The following CRLF3 variants were observed in gnomAD, a reference collection of about 807,000 sequenced individuals.
The protein encoded by CRLF3 is cytokine receptor-like factor 3.
CRLF3 carries 33 observed loss-of-function variants against 55.0 expected under a neutral mutation model. That is an observed-to-expected ratio of 0.60 (90% CI 0.46 to 0.80). CRLF3 has a LOEUF of 0.80. CRLF3 is among the 30% of genes least tolerant of loss of function. The pLI is 0.00. For missense variants in CRLF3, 494 were observed against 538.4 expected (o/e 0.92, Z 0.82); for synonymous variants, 238 against 196.8 (o/e 1.21, Z -1.75).
Position 30,799,551 on chromosome 17 carries a change from T to TG in CRLF3, c.338-2154dup, listed in dbSNP as rs532133683. On this transcript the variant is annotated intron_variant, in intron 2 of 7. Transcript: ENST00000324238. The stretch of plus-strand genomic sequence containing the variant: ...GATTTATCTTTTTTTTTTTTTGAGA[T>TG]GGAGTCTTGCTCTTGTCGCCCAGAC... Among the ~76,000 whole-genome samples, 302 of 150,762 alleles carry TG rather than the reference T, an allele frequency of 2.0e-3. 1 individual carries two copies. The highest frequency in any genetic ancestry group is 7.0e-3 in the African/African-American group (289 of 41,002).
intron 1 of CRLF3, among the ~76,000 whole-genome samples, chr17:30,818,605 C>A (rs1475191101): frequency 1.3e-5 from 2 of 151,364 alleles, no homozygotes; most frequent in Admixed American, 6.6e-5. Flanking sequence ...AGGCGCCCAC[C>A]ACCACACCCG....
At chr17:30,820,970 G>A (rs1904977825) in intron 1 of CRLF3, among the ~76,000 whole-genome samples, 1 of 151,852 alleles carries the variant, frequency 6.6e-6, no homozygotes, top group African/African-American at 2.4e-5. Context: ...CAGGAGGATG[G>A]CTTGAGCCTA....
At chr17:30,817,631 G>C (rs1379387693) in intron 1 of CRLF3, among the ~76,000 whole-genome samples, 1 of 152,098 alleles carries the variant, frequency 6.6e-6, no homozygotes, top group Non-Finnish European at 1.5e-5. Context: ...CTGCAGGCCA[G>C]GCAGGGTGGC....
Position 30,797,368 on chromosome 17 carries a change from T to C in CRLF3, c.368A>G (p.Glu123Gly). The C allele has an allele frequency of 6.2e-7, 1 of 1,613,854 alleles. No individual in the cohort carries two copies. Among genetic ancestry groups the C allele is most frequent in the South Asian group, 1.1e-5 (1 of 91,070 alleles). Residue 123 changes from glutamate (E) to glycine (G), a missense_variant, in exon 3 of 8, where the codon GAA becomes GGA. Glu to Gly is a moderately conservative substitution (Grantham distance 98). Transcript: ENST00000324238. ...AAAGCTCCACAGTTTCTCATTCTCT[T>C]CTCCCACACCACCAAGCATGGCGAT... Reference protein sequence around the residue: ...GEIAMLGGVGEENEKLWSFTK... With the variant: ...GEIAMLGGVGGENEKLWSFTK...
chr17:30,794,452 T>C (rs1403367269), intron 4 of CRLF3, among the ~76,000 whole-genome samples: 2 of 152,210 alleles, frequency 1.3e-5, no homozygotes, highest in African/African-American at 2.4e-5. Context: ...ATGTATATTA[T>C]GAATATTCAA....
intron 7 of CRLF3, chr17:30,784,696 T>A (rs1971595037): frequency 2.6e-6 from 1 of 385,386 alleles, no homozygotes; most frequent in African/African-American, 2.1e-5. Flanking sequence ...ATAGCAAGAC[T>A]ATTTCTTATG....
At position 30,796,159 on chromosome 17, in the gene CRLF3, C is replaced by T; in HGVS notation, c.603+1G>A. ...CATTTCTAGAATTCTGAATTACATA[C>T]CTTACACCATCGTACAATGATGCCT... On this transcript the variant is annotated splice_donor_variant, in intron 4 of 7. Coordinates refer to ENST00000324238, the MANE Select transcript of CRLF3 (RefSeq NM_015986.4). LOFTEE classifies it high-confidence loss of function. 1 of 1,606,706 alleles carries T rather than the reference C, an allele frequency of 6.2e-7. No individual in the cohort carries two copies. Among genetic ancestry groups the T allele is most frequent in the Non-Finnish European group, 8.5e-7 (1 of 1,175,836 alleles).
In CRLF3 at chr17:30,783,205, T is replaced by G. The variant is rs1971540826; in HGVS notation, c.*982A>C. 1 of 152,218 alleles carries G rather than the reference T, an allele frequency of 6.6e-6. No homozygotes were observed. The highest frequency in any genetic ancestry group is 1.5e-5 in the Non-Finnish European group (1 of 68,046). The allele number at this position is 152,218 out of a possible 1,614,324, so 9.4% of individuals were successfully genotyped here. On this transcript the variant is annotated 3_prime_UTR_variant, in exon 8 of 8. Transcript: ENST00000324238. ...AAATGGCTAACACTGCTGTGCATAC[T>G]ACTGCCATAACTAGTTTTACCCTGT...
chr17:30,793,619 A>G lies in CRLF3; in HGVS notation c.657T>C (p.Thr219=), dbSNP rs777368003. The change falls in exon 5 of 8, where the codon ACT becomes ACC. Residue 219 remains threonine, a synonymous_variant. Coordinates refer to ENST00000324238, the MANE Select transcript of CRLF3 (RefSeq NM_015986.4). ...QDYRLQFRKC[T]SNHFEDVYVG... is the part of the protein sequence containing the mutation. The stretch of plus-strand genomic sequence containing the variant: ...CATATACATCCTCAAAATGATTTGA[A>G]GTACATTTACGAAACTGGAGCCTGT... 6 of 1,613,994 alleles carry G rather than the reference A, an allele frequency of 3.7e-6. No individual in the cohort carries two copies. The highest frequency in any genetic ancestry group is 2.2e-5 in the East Asian group (1 of 44,900).
chr17:30,793,050 G>A (rs941859475), intron 5 of CRLF3, among the ~76,000 whole-genome samples: 7 of 150,628 alleles, frequency 4.6e-5, no homozygotes, highest in Non-Finnish European at 1.0e-4. Flanking sequence ...CAGCTACTTG[G>A]GAGACTGAGG....
chr17:30,810,954 G>T (rs1041645015), intron 1 of CRLF3, among the ~76,000 whole-genome samples: 2 of 151,914 alleles, frequency 1.3e-5, no homozygotes, highest in Non-Finnish European at 2.9e-5. Context: ...GCTGTGTGTG[G>T]TGGCATGGCT....
chr17:30,790,606 CTTTTTTTTTTTTTTTTTT>C (rs573997612), intron 6 of CRLF3: 30 of 75,652 alleles, frequency 4.0e-4, no homozygotes, highest in African/African-American at 1.3e-3. Flanking sequence ...AATTTTTTTG[CTTTTTTTTTTTTTTTTTT>C]TTTTTTTTTC....
intron 2 of CRLF3, among the ~76,000 whole-genome samples, chr17:30,801,728 C>T (rs1409104902): frequency 6.6e-6 from 1 of 152,036 alleles, no homozygotes; most frequent in East Asian, 1.9e-4. Context: ...TGGCCTCGGC[C>T]TCTAATAACT....
Position 30,821,004 on chromosome 17 carries a change from C to T in CRLF3, c.129+3519G>A, listed in dbSNP as rs143941408. On this transcript the variant is annotated intron_variant, in intron 1 of 7. Coordinates refer to ENST00000324238, the MANE Select transcript of CRLF3 (RefSeq NM_015986.4). ...TAGGAAGTCGAGGCTGCAGTGAGTT[C>T]TGATCATGCCACTGCACTCCAGCTT... 8.6e-3 allele frequency among the ~76,000 whole-genome samples: 1,308 copies of T among 151,268 alleles called. 20 individuals are homozygous for T. The highest frequency in any genetic ancestry group is 0.03 in the African/African-American group (1,230 of 41,230).
chr17:30,824,485 C>A (rs774262307), intron 1 of CRLF3, 38 bp downstream of exon 1: 1 of 1,554,292 alleles, frequency 6.4e-7, no homozygotes, highest in South Asian at 1.2e-5. Flanking sequence ...CGCGCCACCC[C>A]CGGGCCCACA....
chr17:30,787,460 T>C (rs1468212177), intron 6 of CRLF3: 4 of 151,996 alleles, frequency 2.6e-5, no homozygotes, highest in African/African-American at 7.3e-5. Flanking sequence ...TTGTGTGCTC[T>C]TGAAATAGGA....
Position 30,792,442 on chromosome 17 carries a change from G to A in CRLF3, c.957C>T (p.Phe319=). The A allele has an allele frequency of 6.2e-7, 1 of 1,606,624 alleles. No homozygotes were observed. Among genetic ancestry groups the A allele is most frequent in the Non-Finnish European group, 8.5e-7 (1 of 1,173,696 alleles). Reference sequence around the variant, plus strand: ...GAGATGTTTTAATATCTACTTGCCTGAATGTTAATGTCTGCCCACAGAAAT... The same window carrying A: ...GAGATGTTTTAATATCTACTTGCCTAAATGTTAATGTCTGCCCACAGAAAT... ...PTYFCGQTLT[F]RVETVGQPDR... is the part of the protein sequence containing the mutation. Residue 319 remains phenylalanine, a splice_region_variant and synonymous_variant, in exon 6 of 8, where the codon TTC becomes TTT. Transcript: ENST00000324238.
rs1555547409 is a variant in CRLF3 at position 30,788,334 on chromosome 17, A to AAAAG, written c.960-2304_960-2303insCTTT. 6.2e-3 allele frequency among the ~76,000 whole-genome samples: 920 copies of AAAAG among 148,684 alleles called. 13 individuals are homozygous for AAAAG. The highest frequency in any genetic ancestry group is 0.021 in the African/African-American group (847 of 40,012). On this transcript the variant is annotated intron_variant, in intron 6 of 7. Transcript: ENST00000324238. ...GAATGAGACTTTGTCTCAAAAAAAA[A>AAAAG]AAAAGAAAAGAAAAGAAAAGAAAGA... is the stretch of plus-strand genomic sequence containing the variant.
At chr17:30,792,780 AATAAATCAC>A (rs1597918075) in intron 5 of CRLF3, 2 of 448,080 alleles carry the variant, frequency 4.5e-6, no homozygotes, top group East Asian at 6.1e-5. Flanking sequence ...ATTTTGACAT[AATAAATCAC>A]ACAAGTGTTA....
Sources: gnomAD v4.1 joint callset for allele counts (sites outside exome capture counted in the v4.1 genomes callset) on GRCh38, gnomAD v4.1.1 for gene constraint, MANE v1.5 for transcripts, NCBI Gene and HGNC (gene_info 2026-07-23, HGNC 2026-07-21) for gene names.